Variants in KLHL1 observed in about 807,000 individuals in gnomAD.
KLHL1 encodes the protein kelch-like protein 1.
KLHL1 carries 47 observed loss-of-function variants against 77.7 expected under a neutral mutation model. The ratio of observed to expected loss-of-function variants is 0.60; its 90% CI spans 0.48 to 0.77. The LOEUF (loss-of-function observed/expected upper bound fraction) is 0.77. Ranked by LOEUF, KLHL1 falls within the 30% of genes least tolerant of loss-of-function variation. The pLI is 0.00. For synonymous variants in KLHL1, 360 were observed against 325.2 expected (o/e 1.11, Z -1.15); for missense variants, 925 against 910.8 (o/e 1.02, Z -0.20).
chr13:69,870,170 T>C (rs1880524989), intron 5 of KLHL1, among the ~76,000 whole-genome samples: 1 of 152,174 alleles, frequency 6.6e-6, no homozygotes, highest in African/African-American at 2.4e-5. Context: ...AGGCATGGCA[T>C]GAGCATCTGC....
At chr13:69,710,695 A>C (rs533798579) in intron 9 of KLHL1, among the ~76,000 whole-genome samples, 2 of 152,296 alleles carry the variant, frequency 1.3e-5, no homozygotes, top group East Asian at 3.9e-4. Context: ...ACAGATGTAT[A>C]AGCATTGTCC....
intron 2 of KLHL1, among the ~76,000 whole-genome samples, chr13:69,967,414 G>T (rs757574220): frequency 1.1e-4 from 16 of 152,116 alleles, no homozygotes; most frequent in Non-Finnish European, 1.5e-4. Flanking sequence ...TCTAACCAAA[G>T]AATTAGAATT....
Position 69,766,483 on chromosome 13 carries a change from CAT to C in KLHL1, c.1640-25929_1640-25928del, listed in dbSNP as rs905082922. Among the ~76,000 whole-genome samples, 40 of 147,666 alleles carry C rather than the reference CAT, an allele frequency of 2.7e-4. 1 individual carries two copies. Among genetic ancestry groups the C allele is most frequent in the African/African-American group, 3.5e-4 (14 of 40,490 alleles). On this transcript the variant is annotated intron_variant, in intron 7 of 10. Coordinates refer to ENST00000377844, the MANE Select transcript of KLHL1 (RefSeq NM_020866.3). The stretch of plus-strand genomic sequence containing the variant: ...GTCACCTAATTTTTATATATATATA[CAT>C]ATATATATATATTTAGAGTGCTTGA...
intron 1 of KLHL1, among the ~76,000 whole-genome samples, chr13:70,068,290 G>C (rs112991777): frequency 2.0e-5 from 3 of 152,000 alleles, no homozygotes; most frequent in Admixed American, 6.5e-5. Context: ...GCAGTGAGCC[G>C]AGATCGCGCC....
chr13:69,979,276 G>A (rs568711410), intron 1 of KLHL1, among the ~76,000 whole-genome samples: 48 of 151,776 alleles, frequency 3.2e-4, no homozygotes, highest in Non-Finnish European at 5.9e-4. Flanking sequence ...TTCTCTTCAA[G>A]GTCATTAATC....
At chr13:69,890,370 A>T (rs1260934982) in intron 4 of KLHL1, among the ~76,000 whole-genome samples, 1 of 152,036 alleles carries the variant, frequency 6.6e-6, no homozygotes, top group Non-Finnish European at 1.5e-5. Flanking sequence ...ATATTCTTAA[A>T]TTGGAAACAT....
chr13:70,076,736 T>A (rs1437961789), intron 1 of KLHL1, among the ~76,000 whole-genome samples: 2 of 151,848 alleles, frequency 1.3e-5, no homozygotes, highest in Non-Finnish European at 2.9e-5. Flanking sequence ...ATAAAATATA[T>A]TTCTGATAAA....
chr13:69,917,744 T>C (rs555284042), intron 4 of KLHL1, among the ~76,000 whole-genome samples: 1 of 152,226 alleles, frequency 6.6e-6, no homozygotes, highest in African/African-American at 2.4e-5. Flanking sequence ...GCAAGGTTTT[T>C]TTTGGTTTGT....
At chr13:70,027,273 TA>T in intron 1 of KLHL1, among the ~76,000 whole-genome samples, 1 of 152,254 alleles carries the variant, frequency 6.6e-6, no homozygotes, top group East Asian at 1.9e-4. Flanking sequence ...TGGAAAAAGA[TA>T]GACAAAGTAA....
intron 1 of KLHL1, among the ~76,000 whole-genome samples, chr13:70,060,735 A>G (rs1886860546): frequency 6.6e-6 from 1 of 152,012 alleles, no homozygotes; most frequent in Non-Finnish European, 1.5e-5. Flanking sequence ...AATCCCAGCT[A>G]CTTGGGAGGC....
chr13:69,944,625 A>C (rs1429779644), intron 3 of KLHL1, among the ~76,000 whole-genome samples: 1 of 152,188 alleles, frequency 6.6e-6, no homozygotes, highest in Non-Finnish European at 1.5e-5. Flanking sequence ...CAATATTGCT[A>C]AGATTTCATT....
chr13:69,843,436 T>C lies in KLHL1; in HGVS notation c.1228-4274A>G, dbSNP rs917212141. On this transcript the variant is annotated intron_variant, in intron 5 of 10. Transcript: ENST00000377844. Reference sequence around the variant, plus strand: ...ATATCTTTAAATTTTGGCATATGAATGCAGAGAATAATTTATATTAAAACG... The same window carrying C: ...ATATCTTTAAATTTTGGCATATGAACGCAGAGAATAATTTATATTAAAACG... Among the ~76,000 whole-genome samples, 10 of 151,746 alleles carry C rather than the reference T, an allele frequency of 6.6e-5. No individual in the cohort carries two copies. In the Admixed American group the frequency reaches 6.6e-4, roughly 10 times the overall value.
intron 4 of KLHL1, among the ~76,000 whole-genome samples, chr13:69,910,033 C>T (rs1285111574): frequency 1.3e-5 from 2 of 151,960 alleles, no homozygotes; most frequent in Non-Finnish European, 2.9e-5. Flanking sequence ...TATTCCACTT[C>T]GCTATCATCA....
intron 7 of KLHL1, among the ~76,000 whole-genome samples, chr13:69,761,785 T>C (rs925509146): frequency 1.3e-5 from 2 of 152,184 alleles, no homozygotes; most frequent in African/African-American, 4.8e-5. Context: ...AATGGCTGCC[T>C]GGTTTTTCCT....
At chr13:69,810,226 C>A (rs1877811113) in intron 6 of KLHL1, among the ~76,000 whole-genome samples, 1 of 152,010 alleles carries the variant, frequency 6.6e-6, no homozygotes, top group African/African-American at 2.4e-5. Context: ...ACCCAACAGC[C>A]ACAGAATATA....
chr13:70,022,695 G>A (rs1001152403), intron 1 of KLHL1, among the ~76,000 whole-genome samples: 3 of 151,840 alleles, frequency 2.0e-5, no homozygotes, highest in East Asian at 1.9e-4. Context: ...TGGGCTACAC[G>A]GTGAGGTTGG....
intron 1 of KLHL1, among the ~76,000 whole-genome samples, chr13:70,032,149 A>G (rs2137367160): frequency 6.6e-6 from 1 of 152,342 alleles, no homozygotes; most frequent in African/African-American, 2.4e-5. Flanking sequence ...TCATCTGTGT[A>G]GTGCTAAGGA....
At chr13:70,061,224 AGATT>A (rs750531303) in intron 1 of KLHL1, among the ~76,000 whole-genome samples, 3 of 152,136 alleles carry the variant, frequency 2.0e-5, no homozygotes, top group South Asian at 2.1e-4. Flanking sequence ...ATCTTTTGTT[AGATT>A]GATTATCATT....
intron 1 of KLHL1, among the ~76,000 whole-genome samples, chr13:70,039,048 C>A (rs919133213): frequency 2.8e-5 from 4 of 142,992 alleles, no homozygotes; most frequent in Non-Finnish European, 4.5e-5. Flanking sequence ...TCCATATATC[C>A]TTTGCACATT....
Sources: gnomAD v4.1 joint callset for allele counts (sites outside exome capture counted in the v4.1 genomes callset) on GRCh38, gnomAD v4.1.1 for gene constraint, MANE v1.5 for transcripts, NCBI Gene and HGNC (gene_info 2026-07-23, HGNC 2026-07-21) for gene names.